MACROD2: variants seen among roughly 807,000 people sequenced by gnomAD.
MACROD2 encodes the protein ADP-ribose glycohydrolase MACROD2.
A neutral mutation model predicts 70.4 loss-of-function variants in MACROD2; 36 were observed. The observed-to-expected ratio is 0.51, with a 90% CI of 0.39 to 0.68. The LOEUF (loss-of-function observed/expected upper bound fraction) is 0.68. MACROD2 is among the 30% of genes least tolerant of loss of function. The pLI is 0.00. For synonymous variants in MACROD2, 172 were observed against 178.8 expected, an observed-to-expected ratio of 0.96 and a Z score of 0.30; for missense variants, 496 against 538.4, an observed-to-expected ratio of 0.92 and a Z score of 0.78.
chr20:14,456,753 G>A (rs1568620058), intron 3 of MACROD2, among the ~76,000 whole-genome samples: 1 of 108,324 alleles, frequency 9.2e-6, no homozygotes. Flanking sequence ...GTCTCTCTCT[G>A]TCACCCAGGC....
intron 8 of MACROD2, among the ~76,000 whole-genome samples, chr20:15,626,319 AG>A (rs1600684148): frequency 6.6e-6 from 1 of 152,210 alleles, no homozygotes; most frequent in East Asian, 1.9e-4. Context: ...CTTTTCTTAG[AG>A]GTTTTTAAAA....
chr20:14,067,062 C>T (rs545745845), intron 2 of MACROD2, among the ~76,000 whole-genome samples: 21 of 149,766 alleles, frequency 1.4e-4, no homozygotes, highest in Non-Finnish European at 2.1e-4. Context: ...CCGCCCGTCT[C>T]GGCCTCCCAA....
At chr20:14,500,161 G>A (rs1176044118) in intron 4 of MACROD2, among the ~76,000 whole-genome samples, 1 of 152,190 alleles carries the variant, frequency 6.6e-6, no homozygotes, top group Non-Finnish European at 1.5e-5. Context: ...TCTCCTCACT[G>A]TTCTGCCATC....
At chr20:14,972,883 G>A (rs140797244) in intron 5 of MACROD2, among the ~76,000 whole-genome samples, 30 of 152,244 alleles carry the variant, frequency 2.0e-4, no homozygotes, top group African/African-American at 6.0e-4. Context: ...GCTAAGTGGC[G>A]TGTCATCTAA....
At chr20:14,068,482 C>G (rs892277427) in intron 2 of MACROD2, among the ~76,000 whole-genome samples, 5 of 152,114 alleles carry the variant, frequency 3.3e-5, no homozygotes, top group African/African-American at 9.7e-5. Flanking sequence ...AAAACATACA[C>G]AGATAACTTC....
chr20:15,917,649 A>G (rs1277306401), intron 10 of MACROD2, among the ~76,000 whole-genome samples: 1 of 152,192 alleles, frequency 6.6e-6, no homozygotes, highest in African/African-American at 2.4e-5. Context: ...CCACAAACCA[A>G]ACCAAAACAA....
In MACROD2 at chr20:16,044,622, A is replaced by T; in HGVS notation, c.1283A>T (p.Gln428Leu). 6.2e-7 allele frequency: 1 copy of T among 1,612,992 alleles called. No individual in the cohort carries two copies. The highest frequency in any genetic ancestry group is 8.5e-7 in the Non-Finnish European group (1 of 1,179,312). ...GTAAATGACCCAACAGAGAGTCAAC[A>T]AGAAGATCAACTAATAGGTAAGATG... The part of the protein sequence containing the change: ...DKVNDPTESQ[Q>L]EDQLIAGAQD... The change falls in exon 17 of 18, where the codon CAA (glutamine) becomes CTA (leucine). Residue 428 changes from glutamine (Q) to leucine (L), a missense_variant. Physicochemically the swap from Gln to Leu is moderately radical, Grantham distance 113. Coordinates refer to ENST00000684519, the MANE Select transcript of MACROD2 (RefSeq NM_001351661.2).
At chr20:15,716,993 A>G (rs762520415) in intron 8 of MACROD2, among the ~76,000 whole-genome samples, 6 of 152,244 alleles carry the variant, frequency 3.9e-5, no homozygotes, top group South Asian at 2.1e-4. Context: ...ATAAAAGCAT[A>G]TTAATATGAT....
At chr20:14,597,165 T>G (rs923130740) in intron 4 of MACROD2, among the ~76,000 whole-genome samples, 1 of 152,192 alleles carries the variant, frequency 6.6e-6, no homozygotes, top group East Asian at 1.9e-4. Context: ...AATTTTTACA[T>G]TCTTATTTCC....
chr20:14,787,608 T>G (rs2072390674), intron 5 of MACROD2, among the ~76,000 whole-genome samples: 2 of 152,120 alleles, frequency 1.3e-5, no homozygotes. Context: ...AAGTAGTAAC[T>G]GAAGCTGTCT....
At chr20:15,959,297 T>C (rs1601217687) in intron 12 of MACROD2, among the ~76,000 whole-genome samples, 1 of 152,312 alleles carries the variant, frequency 6.6e-6, no homozygotes, top group Non-Finnish European at 1.5e-5. Flanking sequence ...TGTCCCCTGA[T>C]TTTTTTCTAC....
intron 2 of MACROD2, among the ~76,000 whole-genome samples, chr20:14,060,824 T>C (rs1325629664): frequency 1.3e-5 from 2 of 152,194 alleles, no homozygotes; most frequent in African/African-American, 2.4e-5. Context: ...AGCTGTGAAT[T>C]CATTGAGTAT....
At chr20:15,834,988 T>A (rs1224831054) in intron 8 of MACROD2, among the ~76,000 whole-genome samples, 1 of 152,172 alleles carries the variant, frequency 6.6e-6, no homozygotes, top group African/African-American at 2.4e-5. Context: ...TTCTGGCTGG[T>A]CTTGTGTACC....
intron 8 of MACROD2, among the ~76,000 whole-genome samples, chr20:15,782,085 T>TA (rs1445262632): frequency 1.3e-5 from 2 of 152,082 alleles, no homozygotes; most frequent in Non-Finnish European, 2.9e-5. Context: ...AGTCTAGAAA[T>TA]ACAATTTGAA....
At chr20:14,193,364 A>T (rs1293782439) in intron 3 of MACROD2, among the ~76,000 whole-genome samples, 1 of 152,198 alleles carries the variant, frequency 6.6e-6, no homozygotes, top group Non-Finnish European at 1.5e-5. Flanking sequence ...ATGAAATGGG[A>T]TGTGGATTTG....
chr20:14,664,567 A>G (rs1004587438), intron 4 of MACROD2, among the ~76,000 whole-genome samples: 19 of 152,036 alleles, frequency 1.2e-4, no homozygotes, highest in African/African-American at 4.3e-4. Flanking sequence ...ACTACTGTAG[A>G]GCTGTAATAC....
At position 14,525,824 on chromosome 20, in the gene MACROD2, A is replaced by ATATT. The variant is rs1334812038; in HGVS notation, c.301+32317_301+32320dup. Among the ~76,000 whole-genome samples, 4 of 152,342 alleles carry ATATT rather than the reference A, an allele frequency of 2.6e-5. No homozygotes were observed. The East Asian group carries it at 7.7e-4, about 29-fold the overall frequency. On this transcript the variant is annotated intron_variant, in intron 4 of 17. Coordinates refer to ENST00000684519, the MANE Select transcript of MACROD2 (RefSeq NM_001351661.2). ...TAAATGAAGATATCAAATAAATCAT[A>ATATT]TATTCCCTTTGATTTGGAGTTGCTT...
chr20:15,478,553 C>G lies in MACROD2; in HGVS notation c.572-21221C>G, dbSNP rs202204100. On this transcript the variant is annotated intron_variant, in intron 7 of 17. Coordinates refer to ENST00000684519, the MANE Select transcript of MACROD2 (RefSeq NM_001351661.2). ...TGCGTGCATGACTGTGTGTGTGTGT[C>G]TGTGTGTGTGTGTGTGTGTGTTTCT... 2.6e-4 allele frequency among the ~76,000 whole-genome samples: 39 copies of G among 150,268 alleles called. 1 individual carries two copies. The highest frequency in any genetic ancestry group is 2.1e-4 in the South Asian group (1 of 4,724).
intron 3 of MACROD2, among the ~76,000 whole-genome samples, chr20:14,459,149 A>C (rs763388836): frequency 1.2e-4 from 18 of 151,360 alleles, no homozygotes; most frequent in Admixed American, 9.3e-4. Flanking sequence ...CTTCTTAATA[A>C]AATTTTCCAT....
Sources: allele counts gnomAD v4.1 joint callset (sites outside exome capture counted in the v4.1 genomes callset), GRCh38; gene constraint gnomAD v4.1.1; transcripts MANE v1.5; gene names NCBI Gene and HGNC (gene_info 2026-07-23, HGNC 2026-07-21).